Variants in TANGO6 observed in about 807,000 individuals in gnomAD.
The protein encoded by TANGO6 is transport and Golgi organization protein 6 homolog.
TANGO6 carries 90 observed loss-of-function variants against 114.2 expected under a neutral mutation model. The observed-to-expected ratio is 0.79, with a 90% CI of 0.66 to 0.94. The LOEUF (loss-of-function observed/expected upper bound fraction) is 0.94. TANGO6 is among the 40% of genes least tolerant of loss of function. TANGO6 has a pLI of 0.00. For synonymous variants in TANGO6, 477 were observed against 509.8 expected (o/e 0.94, Z 0.87); for missense variants, 1,274 against 1,315.3 (o/e 0.97, Z 0.49).
intron 11 of TANGO6, among the ~76,000 whole-genome samples, chr16:68,918,368 G>A (rs765334886): frequency 5.3e-5 from 8 of 152,134 alleles, no homozygotes; most frequent in Admixed American, 3.3e-4. Flanking sequence ...CTTCAGTGAA[G>A]TCCAGCTTAT....
chr16:68,937,339 A>G (rs1963309924), intron 14 of TANGO6: 1 of 152,228 alleles, frequency 6.6e-6, no homozygotes, highest in South Asian at 2.1e-4. Context: ...GTCTCTCAGT[A>G]AATTCTCTAA....
chr16:68,851,876 A>G (rs1961907885), intron 1 of TANGO6, among the ~76,000 whole-genome samples: 1 of 152,192 alleles, frequency 6.6e-6, no homozygotes, highest in African/African-American at 2.4e-5. Context: ...GGAAAGTGAT[A>G]TTTCAGTATA....
intron 1 of TANGO6, among the ~76,000 whole-genome samples, chr16:68,857,499 GT>G (rs1363765015): frequency 2.6e-5 from 4 of 151,838 alleles, no homozygotes; most frequent in Non-Finnish European, 4.4e-5. Flanking sequence ...TACATATGCA[GT>G]TTTTTTGTGT....
At chr16:68,958,199 AT>A (rs1963553047) in intron 14 of TANGO6, among the ~76,000 whole-genome samples, 1 of 151,108 alleles carries the variant, frequency 6.6e-6, no homozygotes, top group Non-Finnish European at 1.5e-5. Flanking sequence ...TAAATTAAAA[AT>A]TCAGTGTATG....
intron 14 of TANGO6, among the ~76,000 whole-genome samples, chr16:68,933,371 C>T (rs1263548233): frequency 6.6e-6 from 1 of 152,190 alleles, no homozygotes; most frequent in Non-Finnish European, 1.5e-5. Context: ...GCCGAGATGG[C>T]ACCACTGCAC....
At chr16:69,013,595 C>T (rs544877117) in intron 15 of TANGO6, among the ~76,000 whole-genome samples, 2 of 142,472 alleles carry the variant, frequency 1.4e-5, no homozygotes, top group Admixed American at 7.4e-5. Context: ...CCAACCTGGG[C>T]GACAGAACAA....
chr16:69,029,021 C>T (rs1959551016), intron 16 of TANGO6, among the ~76,000 whole-genome samples: 1 of 152,132 alleles, frequency 6.6e-6, no homozygotes, highest in Non-Finnish European at 1.5e-5. Context: ...TGAACTCAAA[C>T]ATTGAGACTG....
chr16:69,051,457 C>T (rs1173729168), intron 17 of TANGO6, among the ~76,000 whole-genome samples: 3 of 152,126 alleles, frequency 2.0e-5, no homozygotes, highest in Admixed American at 2.0e-4. Context: ...GGGCAGATCA[C>T]CTGAGGTCAG....
At chr16:68,914,079 C>T (rs535267621) in intron 11 of TANGO6, among the ~76,000 whole-genome samples, 1 of 152,138 alleles carries the variant, frequency 6.6e-6, no homozygotes, top group Non-Finnish European at 1.5e-5. Flanking sequence ...GGTTTAGACG[C>T]CCCCATAGGA....
intron 17 of TANGO6, among the ~76,000 whole-genome samples, chr16:69,079,522 A>G (rs1960435403): frequency 6.6e-6 from 1 of 152,092 alleles, no homozygotes; most frequent in Non-Finnish European, 1.5e-5. Context: ...TCACAAAGAA[A>G]AAATGCCAAC....
chr16:68,983,139 C>T (rs568342397), intron 15 of TANGO6, among the ~76,000 whole-genome samples: 122 of 152,140 alleles, frequency 8.0e-4, no homozygotes, highest in African/African-American at 2.7e-3. Context: ...CGTGAGCCAC[C>T]GCACTGGGCT....
chr16:69,012,157 C>G (rs1964148126), intron 15 of TANGO6, among the ~76,000 whole-genome samples: 1 of 152,130 alleles, frequency 6.6e-6, no homozygotes, highest in African/African-American at 2.4e-5. Flanking sequence ...AAAGTAGAAG[C>G]CATTAGAACT....
intron 4 of TANGO6, 55 bp from the exon 5 acceptor site, chr16:68,875,099 G>A: frequency 6.5e-7 from 1 of 1,534,342 alleles, no homozygotes; most frequent in Non-Finnish European, 8.9e-7. Flanking sequence ...TTGTTACATG[G>A]GACCTTCTGT....
Position 69,067,674 on chromosome 16 carries a change from A to G in TANGO6, c.3109-15811A>G, listed in dbSNP as rs1435927864. 8.5e-5 allele frequency among the ~76,000 whole-genome samples: 13 copies of G among 152,152 alleles called. No homozygotes were observed. The East Asian group carries it at 2.5e-3, about 29-fold the overall frequency. On this transcript the variant is annotated intron_variant, in intron 17 of 17. Transcript: ENST00000261778. ...CTCTACTGGCCGGGCACAGTGGCTC[A>G]TGCCTCTAATCCCAGCACTTTGGGA...
At chr16:68,921,270 C>A (rs931168173) in intron 12 of TANGO6, among the ~76,000 whole-genome samples, 1 of 151,346 alleles carries the variant, frequency 6.6e-6, no homozygotes, top group African/African-American at 2.4e-5. Context: ...GCAGCCTCCA[C>A]CTCCTGGGTT....
At chr16:68,912,888 C>G (rs541964620) in intron 11 of TANGO6, among the ~76,000 whole-genome samples, 109 of 133,828 alleles carry the variant, frequency 8.1e-4, no homozygotes, top group African/African-American at 2.5e-3. Context: ...CCAGCCTGAT[C>G]AACATAGCAA....
intron 5 of TANGO6, 114 bp downstream of exon 5, chr16:68,875,404 T>C: frequency 7.9e-7 from 1 of 1,267,562 alleles, no homozygotes; most frequent in Non-Finnish European, 1.1e-6. Context: ...TTAAGTTTAT[T>C]GTTTAGTGAG....
chr16:68,971,150 CAAA>C (rs1211343043), intron 14 of TANGO6, among the ~76,000 whole-genome samples: 7 of 73,576 alleles, frequency 9.5e-5, no homozygotes, highest in Admixed American at 1.5e-4. Context: ...GACTCCATCT[CAAA>C]AAAAAAAAAA....
At chr16:68,944,892 C>T (rs1044995803) in intron 14 of TANGO6, among the ~76,000 whole-genome samples, 10 of 152,282 alleles carry the variant, frequency 6.6e-5, no homozygotes, top group East Asian at 1.9e-4. Flanking sequence ...GAGGTTTGGC[C>T]GGGCACGGTG....
Sources: gnomAD v4.1 joint callset for allele counts (sites outside exome capture counted in the v4.1 genomes callset) on GRCh38, gnomAD v4.1.1 for gene constraint, MANE v1.5 for transcripts, NCBI Gene and HGNC (gene_info 2026-07-23, HGNC 2026-07-21) for gene names.